The following TENM2 variants were observed in gnomAD, a reference collection of about 807,000 sequenced individuals.
TENM2 encodes teneurin-2.
In TENM2, 52 loss-of-function variants were observed where a neutral mutation model predicts 245.2. That is an observed-to-expected ratio of 0.21 (90% CI 0.17 to 0.27). TENM2 has a LOEUF of 0.27. Among genes scored for constraint, TENM2 ranks in the 10% least tolerant of loss-of-function variants. The probability of loss-of-function intolerance (pLI) is 1.00; values close to 1 mark genes in which losing one functional copy is unlikely to be tolerated. For synonymous variants in TENM2, 1,363 were observed against 1,438.9 expected (o/e 0.95, Z 1.19); for missense variants, 3,046 against 3,666.8 (o/e 0.83, Z 4.37).
chr5:167,854,433 C>T (rs577956584), intron 2 of TENM2, among the ~76,000 whole-genome samples: 1 of 152,260 alleles, frequency 6.6e-6, no homozygotes, highest in Admixed American at 6.5e-5. Context: ...GTCTTCTTGC[C>T]TGGATGAAGG....
At chr5:167,634,197 T>G (rs1779048432) in intron 2 of TENM2, among the ~76,000 whole-genome samples, 1 of 152,186 alleles carries the variant, frequency 6.6e-6, no homozygotes, top group Non-Finnish European at 1.5e-5. Context: ...AGAAACAGTT[T>G]TGTAATGACT....
chr5:167,272,124 G>A, the TENM2 span, among the ~76,000 whole-genome samples: 1 of 152,148 alleles, frequency 6.6e-6, no homozygotes, highest in African/African-American at 2.4e-5. Context: ...GATGGAAGGA[G>A]GCAGACAGAC....
At chr5:167,339,912 T>C (rs1295179283) in intron 1 of TENM2, among the ~76,000 whole-genome samples, 1 of 152,198 alleles carries the variant, frequency 6.6e-6, no homozygotes, top group Admixed American at 6.5e-5. Context: ...TGCCAGCACC[T>C]TGGTCTTGGA....
At chr5:167,136,453 A>T in the TENM2 span, among the ~76,000 whole-genome samples, 2 of 152,224 alleles carry the variant, frequency 1.3e-5, no homozygotes, top group Non-Finnish European at 2.9e-5. Flanking sequence ...AAGAAATAAC[A>T]GGGGAACACA....
intron 2 of TENM2, among the ~76,000 whole-genome samples, chr5:167,852,406 A>G (rs146639912): frequency 1.3e-3 from 194 of 152,360 alleles, no homozygotes; most frequent in African/African-American, 4.2e-3. Flanking sequence ...CTTTTATAAA[A>G]TGATGGTTAT....
intron 2 of TENM2, among the ~76,000 whole-genome samples, chr5:167,503,004 A>G (rs897689945): frequency 1.2e-4 from 18 of 152,044 alleles, no homozygotes; most frequent in African/African-American, 3.9e-4. Context: ...TAATTTTTGT[A>G]TTTTTAGTAA....
At chr5:167,525,444 A>G (rs1401855575) in intron 2 of TENM2, among the ~76,000 whole-genome samples, 9 of 152,162 alleles carry the variant, frequency 5.9e-5, no homozygotes, top group Admixed American at 5.9e-4. Context: ...TCCAAGAACC[A>G]AGGAGCAACA....
At chr5:167,098,294 C>T in the TENM2 span, among the ~76,000 whole-genome samples, 4 of 152,150 alleles carry the variant, frequency 2.6e-5, no homozygotes, top group Admixed American at 1.3e-4. Flanking sequence ...TGGTTATAAT[C>T]GTATAATCAC....
chr5:168,048,434 G>A, intron 6 of TENM2, among the ~76,000 whole-genome samples: 1 of 152,178 alleles, frequency 6.6e-6, no homozygotes, highest in East Asian at 1.9e-4. Flanking sequence ...ACACCCTACA[G>A]GGATATTTCA....
At chr5:167,062,803 A>G in the TENM2 span, among the ~76,000 whole-genome samples, 1 of 152,234 alleles carries the variant, frequency 6.6e-6, no homozygotes, top group Non-Finnish European at 1.5e-5. Context: ...GGCTTGGGAC[A>G]GCTGATCAAT....
At chr5:167,235,114 C>A in the TENM2 span, among the ~76,000 whole-genome samples, 1 of 152,182 alleles carries the variant, frequency 6.6e-6, no homozygotes, top group African/African-American at 2.4e-5. Flanking sequence ...TTGGTTTCTT[C>A]TGAGGTCTCT....
intron 4 of TENM2, among the ~76,000 whole-genome samples, chr5:167,987,042 C>A (rs1166095634): frequency 6.6e-6 from 1 of 152,132 alleles, no homozygotes; most frequent in East Asian, 1.9e-4. Context: ...GTAAGAATAA[C>A]CACCTGGTTT....
intron 2 of TENM2, among the ~76,000 whole-genome samples, chr5:167,620,273 T>C (rs1251234034): frequency 6.6e-6 from 1 of 151,986 alleles, no homozygotes; most frequent in African/African-American, 2.4e-5. Flanking sequence ...GGGGAGCACT[T>C]GGAGGGGGAA....
chr5:167,637,485 A>T (rs1252282419), intron 2 of TENM2, among the ~76,000 whole-genome samples: 1 of 152,212 alleles, frequency 6.6e-6, no homozygotes, highest in East Asian at 1.9e-4. Context: ...TACCCAAAGG[A>T]TTATAAATTA....
At chr5:167,864,048 C>T (rs910816233) in intron 2 of TENM2, among the ~76,000 whole-genome samples, 3 of 152,008 alleles carry the variant, frequency 2.0e-5, no homozygotes, top group Non-Finnish European at 4.4e-5. Context: ...GGGTAGACTC[C>T]CAAGGCATAT....
At chr5:167,220,201 T>TAAGA in the TENM2 span, among the ~76,000 whole-genome samples, 24 of 152,290 alleles carry the variant, frequency 1.6e-4, no homozygotes, top group Middle Eastern at 3.4e-3. Flanking sequence ...ACCTCTTTCT[T>TAAGA]AAGAGGTATC....
chr5:167,809,042 G>A (rs1338844362), intron 2 of TENM2, among the ~76,000 whole-genome samples: 1 of 152,118 alleles, frequency 6.6e-6, no homozygotes, highest in Non-Finnish European at 1.5e-5. Context: ...ACAAAGAAAT[G>A]TATAAGATAA....
intron 2 of TENM2, among the ~76,000 whole-genome samples, chr5:167,847,515 T>A (rs1770158565): frequency 6.6e-6 from 1 of 152,256 alleles, no homozygotes; most frequent in Non-Finnish European, 1.5e-5. Context: ...AGGACTGGAC[T>A]GCATAGCCTG....
At chr5:167,282,826 G>A (rs957464358), upstream of TENM2, among the ~76,000 whole-genome samples, 3 of 151,970 alleles carry the variant, frequency 2.0e-5, no homozygotes, top group African/African-American at 7.3e-5. Context: ...GCCTTAATGT[G>A]GAGACACTTG....
Sources: gnomAD v4.1 joint callset for allele counts (sites outside exome capture counted in the v4.1 genomes callset) on GRCh38, gnomAD v4.1.1 for gene constraint, MANE v1.5 for transcripts, NCBI Gene and HGNC (gene_info 2026-07-23, HGNC 2026-07-21) for gene names.